The following YWHAQ variants were observed in gnomAD, a reference collection of about 807,000 sequenced individuals.
The protein encoded by YWHAQ is 14-3-3 protein theta.
In YWHAQ, 6 loss-of-function variants were observed where a neutral mutation model predicts 28.3. The observed-to-expected ratio is 0.21, with a 90% confidence interval of 0.12 to 0.42. The LOEUF (loss-of-function observed/expected upper bound fraction) is 0.42, where lower values mean the gene tolerates loss of function less well. YWHAQ is among the 10% of genes least tolerant of loss of function. The pLI is 1.00. For missense variants in YWHAQ, 201 were observed against 305.6 expected (o/e 0.66, Z 2.55); for synonymous variants, 143 against 119.1 (o/e 1.20, Z -1.31).
intron 2 of YWHAQ, among the ~76,000 whole-genome samples, chr2:9,624,640 A>G (rs1667212784): frequency 6.6e-6 from 1 of 152,114 alleles, no homozygotes; most frequent in Admixed American, 6.5e-5. Flanking sequence ...GTCTTAACCC[A>G]AAAGGTCTCC....
At chr2:9,625,613 G>A (rs1667233755) in intron 2 of YWHAQ, among the ~76,000 whole-genome samples, 1 of 152,108 alleles carries the variant, frequency 6.6e-6, no homozygotes, top group South Asian at 2.1e-4. Context: ...TTGTAATCTT[G>A]ACCACATTAC....
chr2:9,608,438 C>T (rs1321885952), intron 2 of YWHAQ, among the ~76,000 whole-genome samples: 5 of 152,032 alleles, frequency 3.3e-5, no homozygotes, highest in Non-Finnish European at 5.9e-5. Context: ...GTGCAGTCTC[C>T]CATAAAAAGC....
intron 2 of YWHAQ, among the ~76,000 whole-genome samples, chr2:9,611,655 A>G (rs1336447870): frequency 1.3e-5 from 2 of 152,064 alleles, no homozygotes; most frequent in Non-Finnish European, 2.9e-5. Context: ...TATATCTACT[A>G]GATCCCAAAC....
intron 2 of YWHAQ, among the ~76,000 whole-genome samples, chr2:9,618,327 C>T (rs908700207): frequency 3.9e-5 from 6 of 152,158 alleles, no homozygotes; most frequent in African/African-American, 1.2e-4. Context: ...AACAAGATAG[C>T]TTCTCTAACA....
chr2:9,629,033 T>C lies in YWHAQ; in HGVS notation c.294+1126A>G, dbSNP rs1004705693. On this transcript the variant is annotated intron_variant, in intron 2 of 5. Transcript: ENST00000238081. ...GGGAACATATTCCCTGCCCCACCAT[T>C]CTGATGAGATGAAGAAAGGCGGCTT... 6 of 143,080 alleles carry C rather than the reference T, an allele frequency of 4.2e-5. No homozygotes were observed. In the Admixed American group the frequency reaches 4.3e-4, roughly 10 times the overall value. 8.9% of individuals were successfully genotyped at this position (143,080 alleles called of 1,614,324 possible).
Position 9,588,266 on chromosome 2 carries a change from G to A in YWHAQ, c.481C>T (p.Gln161Ter). 6.2e-7 allele frequency: 1 copy of A among 1,609,668 alleles called. No homozygotes were observed. Among genetic ancestry groups the A allele is most frequent in the Non-Finnish European group, 8.5e-7 (1 of 1,178,982 alleles). The change falls in exon 4 of 6, where the codon CAA (glutamine) becomes TAA (stop). Residue 161 changes from glutamine to a stop codon, truncating the protein, a stop_gained. Transcript: ENST00000238081. LOFTEE classifies it high-confidence loss of function. ...EAFDISKKEM[Q>*]PTHPIRLGLA... ...CCCAGGCGGATTGGGTGTGTGGGTT[G>A]CATCTCTTTCTTGCTTATATCAAAT... is the stretch of plus-strand genomic sequence containing the variant.
intron 2 of YWHAQ, among the ~76,000 whole-genome samples, chr2:9,613,871 T>C (rs935071081): frequency 6.6e-6 from 1 of 152,220 alleles, no homozygotes; most frequent in African/African-American, 2.4e-5. Flanking sequence ...ACTCAGGTAC[T>C]GAGGTGCTGT....
intron 2 of YWHAQ, among the ~76,000 whole-genome samples, chr2:9,607,114 C>T (rs557833852): frequency 6.6e-6 from 1 of 152,224 alleles, no homozygotes; most frequent in South Asian, 2.1e-4. Flanking sequence ...GAACTCCTGA[C>T]CTGTGATCCG....
At chr2:9,590,931 T>C (rs530148810) in intron 3 of YWHAQ, among the ~76,000 whole-genome samples, 1 of 152,346 alleles carries the variant, frequency 6.6e-6, no homozygotes, top group East Asian at 1.9e-4. Context: ...GTCAATGTTA[T>C]GACCCCTTAA....
chr2:9,606,403 TAAAATA>T (rs144636528), intron 2 of YWHAQ, among the ~76,000 whole-genome samples: 87,708 of 150,432 alleles, frequency 0.58, 27,674 homozygotes, highest in African/African-American at 0.8. Flanking sequence ...CCGTCTCTAC[TAAAATA>T]AAAATAAAAA....
At chr2:9,608,361 G>A (rs1666877130) in intron 2 of YWHAQ, among the ~76,000 whole-genome samples, 1 of 152,182 alleles carries the variant, frequency 6.6e-6, no homozygotes, top group African/African-American at 2.4e-5. Flanking sequence ...GGAGGAGGGT[G>A]AGGACCCTAG....
At chr2:9,603,882 G>A (rs542147000) in intron 2 of YWHAQ, among the ~76,000 whole-genome samples, 3 of 151,984 alleles carry the variant, frequency 2.0e-5, no homozygotes, top group Non-Finnish European at 4.4e-5. Flanking sequence ...CTGAGATCAC[G>A]CCACTGCACT....
chr2:9,601,385 G>A (rs1016197492), intron 2 of YWHAQ, among the ~76,000 whole-genome samples: 2 of 152,140 alleles, frequency 1.3e-5, no homozygotes, highest in Non-Finnish European at 2.9e-5. Flanking sequence ...CTTGAACCCA[G>A]GAGGCAGAGG....
intron 2 of YWHAQ, among the ~76,000 whole-genome samples, chr2:9,607,766 C>CAGTG (rs1229624482): frequency 2.8e-5 from 4 of 142,430 alleles, no homozygotes; most frequent in African/African-American, 1.1e-4. Flanking sequence ...GGCTGGAGTG[C>CAGTG]AGTGGCATAA....
At chr2:9,624,210 G>A (rs1262612283) in intron 2 of YWHAQ, among the ~76,000 whole-genome samples, 1 of 152,046 alleles carries the variant, frequency 6.6e-6, no homozygotes, top group Non-Finnish European at 1.5e-5. Flanking sequence ...GAGCCCAGAT[G>A]GCGCAACTGC....
At chr2:9,600,019 T>A (rs1441228481) in intron 2 of YWHAQ, among the ~76,000 whole-genome samples, 3 of 152,118 alleles carry the variant, frequency 2.0e-5, no homozygotes, top group Admixed American at 2.0e-4. Flanking sequence ...TAACAACAGT[T>A]TGGAAGAAGC....
intron 2 of YWHAQ, chr2:9,620,648 T>G (rs1667124348): frequency 6.6e-6 from 1 of 152,194 alleles, no homozygotes; most frequent in African/African-American, 2.4e-5. Flanking sequence ...ATACCAGATC[T>G]TTAGCTGGTT....
intron 4 of YWHAQ, among the ~76,000 whole-genome samples, chr2:9,587,819 G>A (rs964039472): frequency 2.0e-5 from 3 of 152,128 alleles, no homozygotes; most frequent in Non-Finnish European, 2.9e-5. Flanking sequence ...TTATTCTCTC[G>A]TTTTGAGCCA....
intron 2 of YWHAQ, among the ~76,000 whole-genome samples, chr2:9,602,801 T>C (rs1360091639): frequency 1.5e-5 from 2 of 133,282 alleles, no homozygotes; most frequent in Non-Finnish European, 3.1e-5. Flanking sequence ...AATGCTGGGA[T>C]TACAGGTGTG....
Sources: gnomAD v4.1 joint callset for allele counts (sites outside exome capture counted in the v4.1 genomes callset) on GRCh38, gnomAD v4.1.1 for gene constraint, MANE v1.5 for transcripts, NCBI Gene and HGNC (gene_info 2026-07-23, HGNC 2026-07-21) for gene names.